The following SMARCC1 variants were observed in gnomAD, a reference collection of about 807,000 sequenced individuals.
SMARCC1 encodes the protein SWI/SNF related BAF chromatin remodeling complex subunit C1.
SMARCC1 carries 43 observed loss-of-function variants against 147.4 expected under a neutral mutation model. The ratio of observed to expected loss-of-function variants is 0.29; its 90% CI spans 0.23 to 0.38. The LOEUF (loss-of-function observed/expected upper bound fraction) is 0.38, where lower values mean the gene tolerates loss of function less well. SMARCC1 is among the 10% of genes least tolerant of loss of function. The pLI, the probability that SMARCC1 is intolerant of heterozygous loss-of-function variation, is 1.00. For missense variants in SMARCC1, 1,119 were observed against 1,381.1 expected (o/e 0.81, Z 3.01); for synonymous variants, 495 against 484.4 (o/e 1.02, Z -0.29).
intron 21 of SMARCC1, among the ~76,000 whole-genome samples, chr3:47,647,038 T>C (rs1455291687): frequency 6.6e-6 from 1 of 152,254 alleles, no homozygotes; most frequent in Non-Finnish European, 1.5e-5. Context: ...AACACTAAGA[T>C]GTTATTTGCC....
At chr3:47,747,809 AAAAG>A (rs2034583801) in intron 2 of SMARCC1, among the ~76,000 whole-genome samples, 1 of 151,960 alleles carries the variant, frequency 6.6e-6, no homozygotes, top group Non-Finnish European at 1.5e-5. Context: ...ACAAAAGAAA[AAAAG>A]AAATATAAGG....
chr3:47,692,549 T>A (rs2033802598), intron 12 of SMARCC1, among the ~76,000 whole-genome samples: 2 of 152,222 alleles, frequency 1.3e-5, no homozygotes, highest in African/African-American at 4.8e-5. Flanking sequence ...AATTATATTA[T>A]TACCACCTTC....
At position 47,667,486 on chromosome 3, in the gene SMARCC1, GAGA is replaced by G. The variant is rs1031388575; in HGVS notation, c.1899+3169_1899+3171del. ...ATGACAAACACTAGAGCTATCACGG[GAGA>G]ATCAGTGAGCTCACAAATTCAAGTC... On this transcript the variant is annotated intron_variant, in intron 19 of 27. Coordinates refer to ENST00000254480, the MANE Select transcript of SMARCC1 (RefSeq NM_003074.4). Among the ~76,000 whole-genome samples, 101 of 152,342 alleles carry G rather than the reference GAGA, an allele frequency of 6.6e-4. 1 individual carries two copies. The highest frequency in any genetic ancestry group is 2.3e-3 in the African/African-American group (97 of 41,586).
chr3:47,662,980 G>A (rs530111140), intron 19 of SMARCC1, among the ~76,000 whole-genome samples: 2 of 150,740 alleles, frequency 1.3e-5, no homozygotes, highest in East Asian at 3.9e-4. Context: ...GGAGACTGAG[G>A]CACCAGAATC....
At chr3:47,746,726 ATT>A (rs35599897) in intron 2 of SMARCC1, among the ~76,000 whole-genome samples, 6,535 of 121,978 alleles carry the variant, frequency 0.054, 482 homozygotes, top group African/African-American at 0.18. Context: ...CACATCAGTA[ATT>A]TTTTTTTTTT....
chr3:47,651,095 A>T (rs2033184003), intron 21 of SMARCC1, among the ~76,000 whole-genome samples: 1 of 152,142 alleles, frequency 6.6e-6, no homozygotes, highest in African/African-American at 2.4e-5. Flanking sequence ...GCTGGAGTCC[A>T]GGAGTTTGAG....
chr3:47,589,431 T>A (rs2032140617), intron 27 of SMARCC1, among the ~76,000 whole-genome samples: 1 of 152,100 alleles, frequency 6.6e-6, no homozygotes, highest in African/African-American at 2.4e-5. Flanking sequence ...TGATACTACC[T>A]CTGCAATAGG....
chr3:47,700,648 T>TG (rs2033906811), intron 11 of SMARCC1, among the ~76,000 whole-genome samples: 1 of 152,100 alleles, frequency 6.6e-6, no homozygotes, highest in South Asian at 2.1e-4. Flanking sequence ...CCTCAGCCTC[T>TG]GGAGTAGCGG....
chr3:47,695,814 C>T (rs2033842230), intron 11 of SMARCC1, among the ~76,000 whole-genome samples: 1 of 141,482 alleles, frequency 7.1e-6, no homozygotes, highest in South Asian at 2.3e-4. Context: ...CGCCTGTAAT[C>T]CCAGCACTTT....
At position 47,661,376 on chromosome 3, in the gene SMARCC1, T is replaced by C; in HGVS notation, c.2238A>G (p.Arg746=). 1 of 1,613,992 alleles carries C rather than the reference T, an allele frequency of 6.2e-7. No individual in the cohort carries two copies. Residue 746 remains arginine, a synonymous_variant, in exon 21 of 28, where the codon CGA becomes CGG. Transcript: ENST00000254480. The stretch of plus-strand genomic sequence containing the variant: ...AGGTGGGATCCACTTTCCCAGAGGC[T>C]CGTGCTGCTTCTTGTACTTTCTTGA... The part of the protein sequence containing the change: ...AHVKKVQEAA[R]ASGKVDPTYG...
At chr3:47,742,755 C>T (rs763187256) in intron 3 of SMARCC1, among the ~76,000 whole-genome samples, 43 of 152,070 alleles carry the variant, frequency 2.8e-4, no homozygotes, top group Admixed American at 6.6e-4. Flanking sequence ...GCTAATTTTC[C>T]TATTTTTTGT....
chr3:47,715,101 T>C (rs1207090605), intron 7 of SMARCC1, among the ~76,000 whole-genome samples: 2 of 152,152 alleles, frequency 1.3e-5, no homozygotes, highest in African/African-American at 4.8e-5. Context: ...CCCAAATGTC[T>C]TCAACCTCCA....
intron 1 of SMARCC1, among the ~76,000 whole-genome samples, chr3:47,774,191 C>T (rs892897961): frequency 6.6e-6 from 1 of 150,966 alleles, no homozygotes; most frequent in Non-Finnish European, 1.5e-5. Context: ...ATTTCTGCTA[C>T]TACCATTGAA....
chr3:47,777,841 T>C (rs1183095887), intron 1 of SMARCC1, among the ~76,000 whole-genome samples: 2 of 152,180 alleles, frequency 1.3e-5, no homozygotes, highest in South Asian at 2.1e-4. Context: ...GTCCAATTTT[T>C]AATAAACTAT....
At chr3:47,678,696 T>G (rs142303733) in intron 15 of SMARCC1, among the ~76,000 whole-genome samples, 1 of 152,228 alleles carries the variant, frequency 6.6e-6, no homozygotes, top group African/African-American at 2.4e-5. Context: ...TGTCTGACAA[T>G]TGAATCCTCA....
chr3:47,693,342 T>C (rs2033812758), intron 11 of SMARCC1, 42 bp from the exon 12 acceptor site: 4 of 1,173,004 alleles, frequency 3.4e-6, no homozygotes, highest in African/African-American at 1.5e-5. Context: ...GTGGGAAAAG[T>C]TGTACTTCTT....
chr3:47,745,848 A>C (rs2034558935), intron 3 of SMARCC1, 60 bp downstream of exon 3: 1 of 999,530 alleles, frequency 1.0e-6, no homozygotes, highest in African/African-American at 1.7e-5. Flanking sequence ...AACACAAGGA[A>C]ACAGGACTTA....
intron 19 of SMARCC1, chr3:47,663,780 C>T (rs529550333): frequency 3.1e-5 from 49 of 1,575,106 alleles, no homozygotes; most frequent in Middle Eastern, 1.7e-4. Context: ...TGCCTGGCCA[C>T]GGCGGCCGCC....
At chr3:47,750,987 TC>T (rs924253117) in intron 2 of SMARCC1, among the ~76,000 whole-genome samples, 1 of 151,612 alleles carries the variant, frequency 6.6e-6, no homozygotes, top group African/African-American at 2.4e-5. Flanking sequence ...AACCTCTGCC[TC>T]CCGGGTTCAA....
Sources: allele counts gnomAD v4.1 joint callset (sites outside exome capture counted in the v4.1 genomes callset), GRCh38; gene constraint gnomAD v4.1.1; transcripts MANE v1.5; gene names NCBI Gene and HGNC (gene_info 2026-07-23, HGNC 2026-07-21).